CACNB2: variants seen among roughly 807,000 people sequenced by gnomAD.
CACNB2 encodes the protein voltage-dependent L-type calcium channel subunit beta-2.
In CACNB2, 42 loss-of-function variants were observed where a neutral mutation model predicts 73.3. The observed-to-expected ratio is 0.57, with a 90% CI of 0.45 to 0.74. CACNB2 has a LOEUF of 0.74. CACNB2 is among the 30% of genes least tolerant of loss of function. The pLI is 0.00. For synonymous variants in CACNB2, 348 were observed against 310.3 expected, an observed-to-expected ratio of 1.12 and a Z score of -1.28; for missense variants, 940 against 853.0, an observed-to-expected ratio of 1.10 and a Z score of -1.27.
chr10:18,470,071 A>G (rs2048102608), intron 3 of CACNB2, among the ~76,000 whole-genome samples: 1 of 152,014 alleles, frequency 6.6e-6, no homozygotes, highest in Admixed American at 6.6e-5. Flanking sequence ...TTTAAAATAA[A>G]GTATTCAACT....
At chr10:18,328,921 G>A (rs900031430) in intron 2 of CACNB2, among the ~76,000 whole-genome samples, 3 of 152,164 alleles carry the variant, frequency 2.0e-5, no homozygotes, top group African/African-American at 7.2e-5. Context: ...GGTATATCCA[G>A]TTTTTCATTT....
At chr10:18,199,446 A>T (rs750032613) in intron 2 of CACNB2, among the ~76,000 whole-genome samples, 1 of 151,976 alleles carries the variant, frequency 6.6e-6, no homozygotes, top group Non-Finnish European at 1.5e-5. Context: ...TTCTGAGTAA[A>T]CCTCCCCGAG....
chr10:18,157,605 A>G (rs934494909), intron 2 of CACNB2, among the ~76,000 whole-genome samples: 1 of 152,226 alleles, frequency 6.6e-6, no homozygotes, highest in African/African-American at 2.4e-5. Flanking sequence ...TCCCCGTTTC[A>G]CAGATGAGAA....
chr10:18,423,101 G>A (rs958744042), intron 3 of CACNB2, among the ~76,000 whole-genome samples: 3 of 151,818 alleles, frequency 2.0e-5, no homozygotes, highest in East Asian at 2.0e-4. Context: ...AATCCTAAAC[G>A]TTTGGAGGTC....
chr10:18,227,338 G>T (rs2036031926), intron 2 of CACNB2, among the ~76,000 whole-genome samples: 1 of 152,126 alleles, frequency 6.6e-6, no homozygotes, highest in Non-Finnish European at 1.5e-5. Flanking sequence ...AGGATTTGGT[G>T]TGGGCTGGGG....
chr10:18,432,709 A>T (rs1212010512), intron 3 of CACNB2, among the ~76,000 whole-genome samples: 1 of 151,930 alleles, frequency 6.6e-6, no homozygotes, highest in African/African-American at 2.4e-5. Flanking sequence ...GGTGGAGTGT[A>T]CCTGTAGTCC....
At chr10:18,396,908 G>T (rs748057291) in intron 2 of CACNB2, among the ~76,000 whole-genome samples, 1 of 152,218 alleles carries the variant, frequency 6.6e-6, no homozygotes, top group Non-Finnish European at 1.5e-5. Context: ...TCTAGAATCA[G>T]ACTGGCCTTT....
intron 2 of CACNB2, among the ~76,000 whole-genome samples, chr10:18,205,199 T>A (rs1189002167): frequency 6.6e-6 from 1 of 152,200 alleles, no homozygotes; most frequent in Non-Finnish European, 1.5e-5. Context: ...CATGGTCCTT[T>A]GAATCAGAAA....
chr10:18,513,456 G>A (rs2050969685), intron 6 of CACNB2: 1 of 235,946 alleles, frequency 4.2e-6, no homozygotes, highest in Non-Finnish European at 8.5e-6. Context: ...ACTTCCAATG[G>A]TCAGCCACTA....
intron 3 of CACNB2, among the ~76,000 whole-genome samples, chr10:18,468,695 G>A (rs908747117): frequency 3.9e-5 from 6 of 152,072 alleles, no homozygotes; most frequent in South Asian, 4.1e-4. Context: ...TGCCTCCCGA[G>A]TTCAAGCAAT....
intron 10 of CACNB2, among the ~76,000 whole-genome samples, chr10:18,532,676 C>CAAAAAAAAAAAAAAAAAAAAAA (rs1219587375): frequency 4.3e-5 from 4 of 92,578 alleles, no homozygotes; most frequent in Non-Finnish European, 4.3e-5. Context: ...GACTCTGTCT[C>CAAAAAAAAAAAAAAAAAAAAAA]AAAAAAAAAA....
rs74120234 is a variant in CACNB2 at position 18,149,224 on chromosome 10, C to T, written c.121-1659C>T. Among the ~76,000 whole-genome samples, 406 of 152,026 alleles carry T rather than the reference C, an allele frequency of 2.7e-3. 4 individuals carry two copies. Among genetic ancestry groups the T allele is most frequent in the African/African-American group, 9.5e-3 (396 of 41,468 alleles). The stretch of plus-strand genomic sequence containing the variant: ...AAGAGATTTTCATACTTTATTTTAG[C>T]CTTCTTAGGCCTTAGAAAATGCATC... On this transcript the variant is annotated intron_variant, in intron 1 of 13. Transcript: ENST00000324631.
intron 3 of CACNB2, among the ~76,000 whole-genome samples, chr10:18,432,255 G>T (rs1164314447): frequency 6.6e-6 from 1 of 152,166 alleles, no homozygotes; most frequent in East Asian, 1.9e-4. Context: ...TTTGAAGTAA[G>T]ATTTAAAATG....
intron 3 of CACNB2, among the ~76,000 whole-genome samples, chr10:18,476,265 G>A (rs1026579111): frequency 1.3e-5 from 2 of 152,174 alleles, no homozygotes; most frequent in Admixed American, 6.6e-5. Context: ...GTGTATTATT[G>A]TTACAGTGGA....
At chr10:18,150,862 T>TTTTTTTTTTTTGTTTTTTTG in intron 1 of CACNB2, 21 bp from the exon 2 acceptor site, 1 of 978,722 alleles carries the variant, frequency 1.0e-6, no homozygotes, top group Non-Finnish European at 1.4e-6. Flanking sequence ...TGTCTTTTTT[T>TTTTTTTTTTTTGTTTTTTTG]TTTTTTTTTT....
chr10:18,397,720 C>CA lies in CACNB2; in HGVS notation c.214-4181dup, dbSNP rs10581390. On this transcript the variant is annotated intron_variant, in intron 2 of 13. Transcript: ENST00000324631. ...GCAGAGCAAAAGCGAGACTCCGTCT[C>CA]AAAAAAAAAAAAAAAAAAAAAAAGT... 3.4e-3 allele frequency among the ~76,000 whole-genome samples: 312 copies of CA among 91,506 alleles called. 1 individual carries two copies. The highest frequency in any genetic ancestry group is 0.014 in the Middle Eastern group (2 of 144). The allele number at this position is 91,506 out of a possible 152,430, so 60.0% of individuals were successfully genotyped here.
At chr10:18,380,740 C>T (rs530744482) in intron 2 of CACNB2, among the ~76,000 whole-genome samples, 1 of 151,984 alleles carries the variant, frequency 6.6e-6, no homozygotes, top group African/African-American at 2.4e-5. Flanking sequence ...TAAGAATGAG[C>T]CACCACGCCC....
chr10:18,523,219 T>C (rs185688164), intron 9 of CACNB2, among the ~76,000 whole-genome samples: 16 of 145,358 alleles, frequency 1.1e-4, no homozygotes, highest in Admixed American at 7.3e-5. Context: ...AACATGAGCC[T>C]GAACACTAAA....
chr10:18,172,286 C>A (rs2033297335), intron 2 of CACNB2, among the ~76,000 whole-genome samples: 1 of 152,194 alleles, frequency 6.6e-6, no homozygotes, highest in African/African-American at 2.4e-5. Context: ...ATCACTTGGA[C>A]TGGGGAAGTG....
Sources: gnomAD v4.1 joint callset for allele counts (sites outside exome capture counted in the v4.1 genomes callset) on GRCh38, gnomAD v4.1.1 for gene constraint, MANE v1.5 for transcripts, NCBI Gene and HGNC (gene_info 2026-07-23, HGNC 2026-07-21) for gene names.